The following CCDC7 variants were observed in gnomAD, a reference collection of about 807,000 sequenced individuals.
CCDC7 encodes coiled-coil domain containing 7.
In CCDC7, 183 loss-of-function variants were observed where a neutral mutation model predicts 196.9. The ratio of observed to expected loss-of-function variants is 0.93; its 90% CI spans 0.82 to 1.05. The LOEUF is 1.05. Among genes scored for constraint, CCDC7 ranks in the 50% least tolerant of loss-of-function variants. CCDC7 has a pLI of 0.00. For synonymous variants in CCDC7, 525 were observed against 484.6 expected (o/e 1.08, Z -1.10); for missense variants, 1,540 against 1,482.2 (o/e 1.04, Z -0.64).
At chr10:32,726,277 T>G (rs2083104149) in intron 25 of CCDC7, among the ~76,000 whole-genome samples, 1 of 151,824 alleles carries the variant, frequency 6.6e-6, no homozygotes, top group African/African-American at 2.4e-5. Flanking sequence ...TTATATATAG[T>G]GATATGTAGA....
intron 18 of CCDC7, among the ~76,000 whole-genome samples, chr10:32,585,172 C>T (rs1195025785): frequency 6.6e-6 from 1 of 151,786 alleles, no homozygotes; most frequent in Non-Finnish European, 1.5e-5. Flanking sequence ...CTCCCGGGTT[C>T]ACGCCATTCT....
chr10:32,645,616 G>C (rs940642596), intron 20 of CCDC7, among the ~76,000 whole-genome samples: 1 of 147,768 alleles, frequency 6.8e-6, no homozygotes, highest in Non-Finnish European at 1.5e-5. Context: ...ACTGGCATTA[G>C]TTCTTCTTTA....
intron 25 of CCDC7, among the ~76,000 whole-genome samples, chr10:32,714,501 C>A (rs1210198122): frequency 6.6e-6 from 1 of 152,166 alleles, no homozygotes; most frequent in Non-Finnish European, 1.5e-5. Flanking sequence ...AAGCTAGTTG[C>A]AGGAGTTTTT....
intron 17 of CCDC7, 65 bp downstream of exon 18, chr10:32,583,372 A>G: frequency 9.3e-7 from 1 of 1,080,380 alleles, no homozygotes; most frequent in Non-Finnish European, 1.2e-6. Flanking sequence ...AATAAATGCT[A>G]ACCCATTTAA....
rs188586833 is a variant in CCDC7, at chr10:32,873,184, A to G, written c.4112-3163A>G. On this transcript the variant is annotated intron_variant, in intron 41 of 41. Transcript: ENST00000639629. Reference sequence around the variant, plus strand: ...TCACTTTCAGGTACACCAATCAGACATAGATTTGGTCTTTTCACATAGTCC... The same window carrying G: ...TCACTTTCAGGTACACCAATCAGACGTAGATTTGGTCTTTTCACATAGTCC... 7.6e-3 allele frequency among the ~76,000 whole-genome samples: 1,161 copies of G among 152,120 alleles called. 22 individuals carry two copies. The highest frequency in any genetic ancestry group is 0.026 in the African/African-American group (1,068 of 41,526).
Position 32,662,229 on chromosome 10 carries a change from T to G in CCDC7, c.2015-1825T>G, listed in dbSNP as rs556807208. On this transcript the variant is annotated intron_variant, in intron 20 of 41. Coordinates refer to ENST00000639629, the Ensembl canonical transcript of CCDC7. ...GCACCAGGCGGACACTGCTGAGCAA[T>G]GGGGGAGGGATGGCATTAGCAATTC... is the stretch of plus-strand genomic sequence containing the variant. 7.4e-4 allele frequency among the ~76,000 whole-genome samples: 113 copies of G among 152,192 alleles called. 1 individual carries two copies. The highest frequency in any genetic ancestry group is 2.4e-3 in the African/African-American group (100 of 41,538).
chr10:32,668,989 C>T (rs773364014), intron 21 of CCDC7, among the ~76,000 whole-genome samples: 8 of 152,158 alleles, frequency 5.3e-5, no homozygotes, highest in South Asian at 2.1e-4. Flanking sequence ...TTAGAAGAAA[C>T]GCTCTCAACT....
Position 32,694,873 on chromosome 10 carries a change from A to C in CCDC7, c.2345-6A>C. The C allele has an allele frequency of 6.4e-7, 1 of 1,566,522 alleles. No individual in the cohort carries two copies. The highest frequency in any genetic ancestry group is 1.2e-5 in the South Asian group (1 of 84,864). On this transcript the variant is annotated splice_region_variant and splice_polypyrimidine_tract_variant and intron_variant, in intron 23 of 41. Transcript: ENST00000639629. Reference sequence around the variant, plus strand: ...ATTAAGAGACTAAATGCATCTCCTTATGTAGCTCATGATGAAGAACCAGGC... The same window carrying C: ...ATTAAGAGACTAAATGCATCTCCTTCTGTAGCTCATGATGAAGAACCAGGC...
At chr10:32,606,692 T>G (rs1469761614) in intron 18 of CCDC7, among the ~76,000 whole-genome samples, 2 of 152,206 alleles carry the variant, frequency 1.3e-5, no homozygotes, top group Non-Finnish European at 2.9e-5. Flanking sequence ...ATCCTTCTCT[T>G]TAGGCCAACT....
At chr10:32,800,421 C>A (rs1228019455) in intron 29 of CCDC7, among the ~76,000 whole-genome samples, 1 of 152,072 alleles carries the variant, frequency 6.6e-6, no homozygotes, top group African/African-American at 2.4e-5. Context: ...GGGGAAATGA[C>A]CACAGGGTGA....
At chr10:32,632,145 G>A (rs959171252) in intron 18 of CCDC7, among the ~76,000 whole-genome samples, 2 of 139,932 alleles carry the variant, frequency 1.4e-5, no homozygotes, top group African/African-American at 2.6e-5. Flanking sequence ...TTTTTGGGGG[G>A]GGGGGGGTCT....
intron 11 of CCDC7, among the ~76,000 whole-genome samples, chr10:32,533,653 A>C (rs1205352047): frequency 6.6e-6 from 1 of 152,040 alleles, no homozygotes; most frequent in Non-Finnish European, 1.5e-5. Context: ...TCATATTTGA[A>C]GGATAATTTT....
At chr10:32,581,437 C>T (rs1285709828) in intron 16 of CCDC7, among the ~76,000 whole-genome samples, 2 of 151,904 alleles carry the variant, frequency 1.3e-5, no homozygotes, top group Admixed American at 6.6e-5. Flanking sequence ...TCCTCCTCTT[C>T]CTTCTCCTCA....
chr10:32,595,695 T>C (rs936717142), intron 18 of CCDC7, among the ~76,000 whole-genome samples: 3 of 152,142 alleles, frequency 2.0e-5, no homozygotes, highest in Admixed American at 6.5e-5. Flanking sequence ...TATAAATTTT[T>C]CTCTACACAC....
Position 32,474,023 on chromosome 10 carries a change from C to T in CCDC7, c.796C>T (p.Gln266Ter), listed in dbSNP as rs201948918. 479 of 1,610,668 alleles carry T rather than the reference C, an allele frequency of 3.0e-4. 1 individual carries two copies. The highest frequency in any genetic ancestry group is 3.2e-4 in the Non-Finnish European group (383 of 1,178,676). ...TAAAGATGTTTCTGCAACAGAACCA[C>T]GTAAGTTTCCACTCATTAAAGCATT... Residue 266 changes from glutamine (Q) to a stop codon, truncating the protein, a stop_gained and splice_region_variant, in exon 8 of 42, where the codon CAA (glutamine) becomes TAA (stop). Coordinates refer to ENST00000639629, the Ensembl canonical transcript of CCDC7. LOFTEE classifies it high-confidence loss of function.
rs773643552 is a variant in CCDC7, at chr10:32,464,514, G to A, written c.510+1465G>A. Among the ~76,000 whole-genome samples the A allele has an allele frequency of 4.1e-4, 62 of 151,928 alleles. 2 individuals carry two copies. Among genetic ancestry groups the A allele is most frequent in the Non-Finnish European group, 2.5e-4 (17 of 67,968 alleles). On this transcript the variant is annotated intron_variant, in intron 5 of 41. Transcript: ENST00000639629. ...AGACTTTGTGTTTGTTTGTTTGTTTGTTTGTGTTTTTGAGAACTTGATCTC... is the reference window on the plus strand; with the variant it reads ...AGACTTTGTGTTTGTTTGTTTGTTTATTTGTGTTTTTGAGAACTTGATCTC...
intron 28 of CCDC7, among the ~76,000 whole-genome samples, chr10:32,747,129 A>G (rs1199112620): frequency 6.6e-6 from 1 of 152,220 alleles, no homozygotes; most frequent in African/African-American, 2.4e-5. Flanking sequence ...AACCTCAAGG[A>G]GCCAGAGAGA....
At chr10:32,544,580 A>AT (rs2052097978) in intron 13 of CCDC7, 1 of 228,248 alleles carries the variant, frequency 4.4e-6, no homozygotes, top group Non-Finnish European at 8.5e-6. Context: ...AGGCAATACC[A>AT]TGGAGGAAAG....
At chr10:32,567,180 CTTT>C (rs1435384682) in intron 14 of CCDC7, among the ~76,000 whole-genome samples, 1 of 146,100 alleles carries the variant, frequency 6.8e-6, no homozygotes. Context: ...TATGAATTTT[CTTT>C]TTATTTATAT....
Sources: allele counts gnomAD v4.1 joint callset (sites outside exome capture counted in the v4.1 genomes callset), GRCh38; gene constraint gnomAD v4.1.1; transcripts MANE v1.5; gene names NCBI Gene and HGNC (gene_info 2026-07-23, HGNC 2026-07-21).